Variants in HAUS8 observed in about 807,000 individuals in gnomAD.
The protein encoded by HAUS8 is HAUS augmin-like complex subunit 8.
In HAUS8, 38 loss-of-function variants were observed where a neutral mutation model predicts 42.9. The ratio of observed to expected loss-of-function variants is 0.89; its 90% CI spans 0.68 to 1.16. The LOEUF (loss-of-function observed/expected upper bound fraction) is 1.16. HAUS8 is among the 50% of genes most tolerant of loss of function. The pLI is 0.00. For synonymous variants in HAUS8, 199 were observed against 205.8 expected (o/e 0.97, Z 0.28); for missense variants, 494 against 511.6 (o/e 0.97, Z 0.33).
At chr19:17,053,310 AAC>A in intron 9 of HAUS8, 2 of 296,002 alleles carry the variant, frequency 6.8e-6, no homozygotes. Context: ...GCAACTGAAA[AAC>A]AGTCCTTGTT....
chr19:17,062,098 T>C (rs931816751), intron 4 of HAUS8, among the ~76,000 whole-genome samples: 10 of 152,242 alleles, frequency 6.6e-5, no homozygotes, highest in African/African-American at 2.2e-4. Flanking sequence ...TTGTTTTTAA[T>C]GTTACAAACA....
intron 5 of HAUS8, among the ~76,000 whole-genome samples, 164 bp from the exon 6 acceptor site, chr19:17,059,815 G>C (rs1056214287): frequency 6.6e-6 from 1 of 151,864 alleles, no homozygotes; most frequent in Non-Finnish European, 1.5e-5. Context: ...CTTTGCAAGG[G>C]GCAAAAGGCA....
intron 1 of HAUS8, 64 bp downstream of exon 1, chr19:17,075,330 C>T (rs1205160915): frequency 3.8e-6 from 6 of 1,582,900 alleles, no homozygotes; most frequent in Admixed American, 3.3e-5. Context: ...TCCCCACCTC[C>T]GCTGCCCATC....
At chr19:17,073,096 C>G (rs972408728) in intron 2 of HAUS8, among the ~76,000 whole-genome samples, 178 bp downstream of exon 2, 2 of 152,204 alleles carry the variant, frequency 1.3e-5, no homozygotes, top group African/African-American at 4.8e-5. Context: ...TGACCACCAC[C>G]ATTCCTGACA....
At position 17,073,769 on chromosome 19, in the gene HAUS8, C is replaced by A. The variant is rs111487852; in HGVS notation, c.30-434G>T. 125 of 184,390 alleles carry A rather than the reference C, an allele frequency of 6.8e-4. 2 individuals are homozygous for A. Among genetic ancestry groups the A allele is most frequent in the African/African-American group, 2.8e-3 (119 of 42,510 alleles). The allele number at this position is 184,390 out of a possible 1,614,324, so 11.4% of individuals were successfully genotyped here. On this transcript the variant is annotated intron_variant, in intron 1 of 10. Transcript: ENST00000253669. ...CCAGCAGGTACCTCACTTTGGGAGGCTGAGGCTGGCGGATCACGAGGTCAG... is the reference window on the plus strand; with the variant it reads ...CCAGCAGGTACCTCACTTTGGGAGGATGAGGCTGGCGGATCACGAGGTCAG...
intron 3 of HAUS8, among the ~76,000 whole-genome samples, chr19:17,065,000 A>G (rs1330434507): frequency 6.6e-6 from 1 of 152,250 alleles, no homozygotes; most frequent in African/African-American, 2.4e-5. Context: ...AAAACTCAGT[A>G]ACAAGAAAAC....
chr19:17,062,002 A>G (rs2057363694), intron 4 of HAUS8, among the ~76,000 whole-genome samples: 1 of 152,240 alleles, frequency 6.6e-6, no homozygotes, highest in Admixed American at 6.5e-5. Flanking sequence ...ATTGTAGCTC[A>G]TAGGCCAAAT....
chr19:17,053,431 CAT>C (rs1303268939), intron 9 of HAUS8: 1 of 162,724 alleles, frequency 6.1e-6, no homozygotes, highest in African/African-American at 2.4e-5. Flanking sequence ...GCCAGTCGTA[CAT>C]GAGAGTCACA....
intron 8 of HAUS8, among the ~76,000 whole-genome samples, chr19:17,056,588 CACAT>C (rs1341881466): frequency 6.6e-6 from 1 of 152,140 alleles, no homozygotes; most frequent in Non-Finnish European, 1.5e-5. Context: ...CACACACACA[CACAT>C]ACACATATAT....
intron 10 of HAUS8, chr19:17,052,473 G>C (rs1032145047): frequency 5.7e-6 from 1 of 174,484 alleles, no homozygotes; most frequent in Non-Finnish European, 1.2e-5. Context: ...CCCAGCTACT[G>C]AAGAGGCTGA....
intron 5 of HAUS8, 140 bp downstream of exon 5, chr19:17,059,857 T>C: frequency 1.4e-6 from 1 of 703,356 alleles, no homozygotes; most frequent in South Asian, 1.7e-5. Flanking sequence ...GTATTAAGTA[T>C]ATTTTTGATG....
intron 2 of HAUS8, among the ~76,000 whole-genome samples, chr19:17,070,629 T>C (rs1031269812): frequency 2.0e-5 from 3 of 152,200 alleles, no homozygotes; most frequent in Non-Finnish European, 4.4e-5. Context: ...GCATCTGTCA[T>C]CATCTAGCAA....
At chr19:17,067,661 G>A (rs1026667636) in intron 3 of HAUS8, among the ~76,000 whole-genome samples, 2 of 152,176 alleles carry the variant, frequency 1.3e-5, no homozygotes, top group South Asian at 2.1e-4. Context: ...AATTTGGAGC[G>A]TGGAAGACTG....
At chr19:17,065,381 TC>T (rs2057381521) in intron 3 of HAUS8, among the ~76,000 whole-genome samples, 1 of 151,994 alleles carries the variant, frequency 6.6e-6, no homozygotes, top group African/African-American at 2.4e-5. Context: ...CCAGAGAGGG[TC>T]CTGCCTCATA....
At chr19:17,061,653 G>T (rs962134029) in intron 4 of HAUS8, among the ~76,000 whole-genome samples, 1 of 152,126 alleles carries the variant, frequency 6.6e-6, no homozygotes, top group Non-Finnish European at 1.5e-5. Flanking sequence ...CGGTGGTGGG[G>T]GTGTCCTGTG....
At chr19:17,063,437 G>A (rs970865906) in intron 3 of HAUS8, among the ~76,000 whole-genome samples, 1 of 152,206 alleles carries the variant, frequency 6.6e-6, no homozygotes, top group African/African-American at 2.4e-5. Context: ...AGGCAAACAG[G>A]TTGAAAAGGA....
chr19:17,053,000 G>A, intron 9 of HAUS8, 34 bp from the exon 10 acceptor site: 1 of 1,613,672 alleles, frequency 6.2e-7, no homozygotes, highest in Non-Finnish European at 8.5e-7. Flanking sequence ...GCGATGGATG[G>A]CAAGGTGCCC....
chr19:17,062,898 T>C (rs2057369380), intron 3 of HAUS8, 119 bp from the exon 4 acceptor site: 1 of 740,138 alleles, frequency 1.4e-6, no homozygotes, highest in African/African-American at 1.7e-5. Flanking sequence ...GGGAGACATT[T>C]AAAGAGGTTT....
At chr19:17,061,052 G>A (rs1010185857) in intron 4 of HAUS8, among the ~76,000 whole-genome samples, 1 of 152,140 alleles carries the variant, frequency 6.6e-6, no homozygotes, top group African/African-American at 2.4e-5. Flanking sequence ...AAAAAAATCT[G>A]GAAAGATCAG....
Sources: allele counts gnomAD v4.1 joint callset (sites outside exome capture counted in the v4.1 genomes callset), GRCh38; gene constraint gnomAD v4.1.1; transcripts MANE v1.5; gene names NCBI Gene and HGNC (gene_info 2026-07-23, HGNC 2026-07-21).